ZNF277: variants seen among roughly 807,000 people sequenced by gnomAD.
ZNF277 encodes nuclear receptor-interacting factor 4.
Under a neutral mutation model 60.7 loss-of-function variants are expected in ZNF277, and 55 were observed. That is an observed-to-expected ratio of 0.91 (90% CI 0.73 to 1.13). The LOEUF (loss-of-function observed/expected upper bound fraction) is 1.13. ZNF277 is among the 50% of genes most tolerant of loss of function. The pLI is 0.00. For missense variants in ZNF277, 510 were observed against 523.0 expected, an observed-to-expected ratio of 0.98 and a Z score of 0.24; for synonymous variants, 178 against 179.3, an observed-to-expected ratio of 0.99 and a Z score of 0.06.
intron 9 of ZNF277, among the ~76,000 whole-genome samples, chr7:112,338,773 G>C (rs889830770): frequency 6.6e-6 from 1 of 152,166 alleles, no homozygotes; most frequent in Non-Finnish European, 1.5e-5. Flanking sequence ...TCTTTGTATT[G>C]AAGGCAGCCT....
At chr7:112,212,452 T>C (rs896603546) in intron 1 of ZNF277, among the ~76,000 whole-genome samples, 5 of 152,276 alleles carry the variant, frequency 3.3e-5, no homozygotes, top group African/African-American at 4.8e-5. Flanking sequence ...GCCACATTTA[T>C]GAAAATATCC....
Position 112,311,610 on chromosome 7 carries a change from A to G in ZNF277, c.466-6572A>G, listed in dbSNP as rs561079088. Among the ~76,000 whole-genome samples the G allele has an allele frequency of 5.0e-3, 766 of 152,136 alleles. 5 individuals carry two copies. The highest frequency in any genetic ancestry group is 8.6e-3 in the Non-Finnish European group (583 of 67,958). ...TTTGCACATCTTTGTGGTGCTTTTT[A>G]TGGAGTGTCTCCTAATTTTTTTTAT... On this transcript the variant is annotated intron_variant, in intron 4 of 11. Transcript: ENST00000361822.
intron 1 of ZNF277, among the ~76,000 whole-genome samples, chr7:112,255,518 C>T (rs1483925001): frequency 6.6e-6 from 1 of 152,182 alleles, no homozygotes; most frequent in Non-Finnish European, 1.5e-5. Context: ...TGAAATCCCA[C>T]ATGTCAGGCT....
At chr7:112,300,237 T>A (rs1263402130) in intron 4 of ZNF277, among the ~76,000 whole-genome samples, 1 of 150,898 alleles carries the variant, frequency 6.6e-6, no homozygotes, top group African/African-American at 2.5e-5. Context: ...TTGCAAGATT[T>A]GTATGTGTTC....
intron 1 of ZNF277, among the ~76,000 whole-genome samples, chr7:112,219,413 G>T (rs1337154374): frequency 1.3e-5 from 2 of 152,010 alleles, no homozygotes; most frequent in East Asian, 1.9e-4. Flanking sequence ...TGAAATAAGG[G>T]TTCAATTTCA....
intron 1 of ZNF277, among the ~76,000 whole-genome samples, chr7:112,271,337 C>A (rs1229938640): frequency 6.6e-6 from 1 of 152,010 alleles, no homozygotes; most frequent in Admixed American, 6.6e-5. Context: ...CATTTTATTC[C>A]CTCATCCTTC....
chr7:112,326,494 C>G (rs761859952), intron 5 of ZNF277, among the ~76,000 whole-genome samples: 1 of 152,124 alleles, frequency 6.6e-6, no homozygotes, highest in South Asian at 2.1e-4. Context: ...CTAGCTCTGT[C>G]TGGGCTGCCC....
At chr7:112,285,738 C>T (rs1792050236) in intron 1 of ZNF277, among the ~76,000 whole-genome samples, 1 of 151,746 alleles carries the variant, frequency 6.6e-6, no homozygotes, top group Non-Finnish European at 1.5e-5. Context: ...TTACATAATT[C>T]TCAAGCCATG....
intron 4 of ZNF277, among the ~76,000 whole-genome samples, chr7:112,313,649 TA>T: frequency 6.6e-6 from 1 of 152,300 alleles, no homozygotes; most frequent in East Asian, 1.9e-4. Context: ...TCAGGATTTT[TA>T]AAAATCATAA....
chr7:112,227,521 C>T (rs11486988), intron 1 of ZNF277, among the ~76,000 whole-genome samples: 1,752 of 152,222 alleles, frequency 0.012, 32 homozygotes, highest in African/African-American at 0.039. Flanking sequence ...TTGGCCAAAA[C>T]TGCATGATTG....
At chr7:112,329,376 T>C (rs1177573982) in intron 6 of ZNF277, among the ~76,000 whole-genome samples, 1 of 152,136 alleles carries the variant, frequency 6.6e-6, no homozygotes, top group Non-Finnish European at 1.5e-5. Flanking sequence ...TCAAAACTGG[T>C]AATCACTGCT....
chr7:112,280,883 C>T (rs575268549), intron 1 of ZNF277, among the ~76,000 whole-genome samples: 1 of 152,192 alleles, frequency 6.6e-6, no homozygotes, highest in Admixed American at 6.5e-5. Flanking sequence ...CCACCTCAGC[C>T]TCCCAAAGTG....
intron 4 of ZNF277, among the ~76,000 whole-genome samples, chr7:112,309,938 A>AT (rs1792682940): frequency 6.6e-6 from 1 of 152,042 alleles, no homozygotes; most frequent in Non-Finnish European, 1.5e-5. Flanking sequence ...GATCTGGGAG[A>AT]TTCCCAAATA....
intron 1 of ZNF277, among the ~76,000 whole-genome samples, chr7:112,256,614 GT>G (rs1415973060): frequency 6.6e-6 from 1 of 151,578 alleles, no homozygotes; most frequent in East Asian, 1.9e-4. Flanking sequence ...CTTGGCTAAT[GT>G]TTTTATTTTT....
rs534339462 is a variant in ZNF277 at position 112,310,489 on chromosome 7, G to A, written c.466-7693G>A. On this transcript the variant is annotated intron_variant, in intron 4 of 11. Transcript: ENST00000361822. ...AGAGAGAGAGAGAGAGTGTGTGTGT[G>A]TGTATGTATTTTATTTTTTATTTGC... is the stretch of plus-strand genomic sequence containing the variant. Among the ~76,000 whole-genome samples, 84 of 142,958 alleles carry A rather than the reference G, an allele frequency of 5.9e-4. 5 individuals carry two copies. The highest frequency in any genetic ancestry group is 2.2e-3 in the African/African-American group (75 of 33,758). 93.8% of individuals were successfully genotyped at this position (142,958 alleles called of 152,430 possible).
At chr7:112,258,919 C>A (rs1791383627) in intron 1 of ZNF277, among the ~76,000 whole-genome samples, 1 of 151,886 alleles carries the variant, frequency 6.6e-6, no homozygotes, top group African/African-American at 2.4e-5. Context: ...TCATAAATGT[C>A]CCCCTTTCCA....
At position 112,322,634 on chromosome 7, in the gene ZNF277, T is replaced by C. The variant is rs990887813; in HGVS notation, c.557+4361T>C. 7.2e-5 allele frequency among the ~76,000 whole-genome samples: 11 copies of C among 152,236 alleles called. No homozygotes were observed. In the South Asian group the frequency reaches 2.3e-3, roughly 32 times the overall value. On this transcript the variant is annotated intron_variant, in intron 5 of 11. Coordinates refer to ENST00000361822, the MANE Select transcript of ZNF277 (RefSeq NM_021994.3). ...ATTTTCATAATTTCCTTTGATTCTT[T>C]AGACAGGGGTTTCTTTAGTTCTTTT...
At chr7:112,291,560 T>A (rs538136838) in intron 2 of ZNF277, among the ~76,000 whole-genome samples, 2 of 152,212 alleles carry the variant, frequency 1.3e-5, no homozygotes, top group African/African-American at 4.8e-5. Flanking sequence ...ACTAGAGAAG[T>A]AGGAAAAATA....
chr7:112,340,295 C>T (rs1430366347), intron 10 of ZNF277, among the ~76,000 whole-genome samples: 1 of 152,216 alleles, frequency 6.6e-6, no homozygotes, highest in African/African-American at 2.4e-5. Flanking sequence ...TAAATGGCTA[C>T]TGCACTGCTT....
Sources: allele counts gnomAD v4.1 joint callset (sites outside exome capture counted in the v4.1 genomes callset), GRCh38; gene constraint gnomAD v4.1.1; transcripts MANE v1.5; gene names NCBI Gene and HGNC (gene_info 2026-07-23, HGNC 2026-07-21).